The following MYH14 variants were observed in gnomAD, a reference collection of about 807,000 sequenced individuals.
MYH14 encodes the protein myosin heavy chain 14.
MYH14 carries 123 observed loss-of-function variants against 255.5 expected under a neutral mutation model. The observed-to-expected ratio is 0.48, with a 90% CI of 0.42 to 0.56. The LOEUF (loss-of-function observed/expected upper bound fraction) is 0.56. MYH14 is among the 20% of genes least tolerant of loss of function. The pLI is 0.00. For synonymous variants in MYH14, 1,095 were observed against 1,161.2 expected (o/e 0.94, Z 1.16); for missense variants, 2,423 against 2,802.3 (o/e 0.86, Z 3.06).
chr19:50,210,345 C>A lies in MYH14; in HGVS notation c.-3-18C>A. On this transcript the variant is annotated intron_variant, in intron 1 of 42. Coordinates refer to ENST00000642316, the MANE Select transcript of MYH14 (RefSeq NM_001145809.2). ...CGGAGCCCCATCTGACCCCCACCCT[C>A]TTTCTTTGCCCCTGCAGACCATGGC... 1 of 1,574,140 alleles carries A rather than the reference C, an allele frequency of 6.4e-7. No homozygotes were observed. The highest frequency in any genetic ancestry group is 2.4e-5 in the East Asian group (1 of 41,930).
rs1327758655 is a variant in MYH14 at position 50,299,514 on chromosome 19, T to C, written c.5470-2147T>C. On this transcript the variant is annotated intron_variant, in intron 39 of 42. Coordinates refer to ENST00000642316, the MANE Select transcript of MYH14 (RefSeq NM_001145809.2). Reference sequence around the variant, plus strand: ...TGATCCTGGGAGGCAGAGGTTGCAGTGAGCTGAGATTGCACCACTGCACTC... The same window carrying C: ...TGATCCTGGGAGGCAGAGGTTGCAGCGAGCTGAGATTGCACCACTGCACTC... 2.3e-5 allele frequency among the ~76,000 whole-genome samples: 3 copies of C among 129,776 alleles called. No individual in the cohort carries two copies. The Admixed American group carries it at 3.0e-4, about 13-fold the overall frequency. 85.1% of individuals were successfully genotyped at this position (129,776 alleles called of 152,430 possible).
chr19:50,264,055 C>CAAA lies in MYH14; in HGVS notation c.2694+654_2694+656dup, dbSNP rs34015428. On this transcript the variant is annotated intron_variant, in intron 22 of 42. Coordinates refer to ENST00000642316, the MANE Select transcript of MYH14 (RefSeq NM_001145809.2). ...TGGGCAATACAGCAAAACTCTGTCT[C>CAAA]AAAAAAAAAAAAAAAAAAAAAGAGC... Among the ~76,000 whole-genome samples the CAAA allele has an allele frequency of 4.8e-4, 16 of 33,376 alleles. 1 individual carries two copies. Among genetic ancestry groups the CAAA allele is most frequent in the Non-Finnish European group, 6.9e-4 (14 of 20,352 alleles). The allele number at this position is 33,376 out of a possible 152,430, so 21.9% of individuals were successfully genotyped here.
Position 50,276,208 on chromosome 19 carries a change from G to T in MYH14, c.3680+5G>T. 1 of 1,533,060 alleles carries T rather than the reference G, an allele frequency of 6.5e-7. No homozygotes were observed. The highest frequency in any genetic ancestry group is 8.8e-7 in the Non-Finnish European group (1 of 1,138,472). The allele number at this position is 1,533,060 out of a possible 1,614,324, so 95.0% of individuals were successfully genotyped here. On this transcript the variant is annotated splice_donor_5th_base_variant and intron_variant, in intron 28 of 42. Coordinates refer to ENST00000642316, the MANE Select transcript of MYH14 (RefSeq NM_001145809.2). This position sits in a 1 kb window ranked among gnomAD's most constrained non-coding sequence, Gnocchi z 4.3. ...CAACGCACAGCAGGAGCTCCGGTGA[G>T]GCCCGGTGGCAGGCCGCTGTCACAG...
intron 10 of MYH14, among the ~76,000 whole-genome samples, chr19:50,238,463 G>A (rs969122693): frequency 6.6e-6 from 1 of 151,592 alleles, no homozygotes; most frequent in Admixed American, 6.6e-5. Context: ...TATTTTTTTT[G>A]AGATGGAGTC....
At chr19:50,227,405 A>T (rs1242784451) in intron 8 of MYH14, among the ~76,000 whole-genome samples, 4 of 151,922 alleles carry the variant, frequency 2.6e-5, no homozygotes, top group South Asian at 2.1e-4. Context: ...GCACAGAGAG[A>T]CTCACTACCA....
intron 39 of MYH14, among the ~76,000 whole-genome samples, chr19:50,301,419 T>C (rs899697329): frequency 7.9e-5 from 12 of 152,174 alleles, no homozygotes; most frequent in Non-Finnish European, 1.6e-4. Context: ...GTGGACTTAT[T>C]AAAGTAAGCA....
rs117598360 is a variant in MYH14, at chr19:50,283,624, G to A, written c.4539+1782G>A. Among the ~76,000 whole-genome samples the A allele has an allele frequency of 5.7e-4, 87 of 152,058 alleles. 1 individual carries two copies. The East Asian group carries it at 0.015, about 26-fold the overall frequency. ...TAAAACCTTAGTCTTTCTCAAAGGT[G>A]GTTTTAATTAACATTTCCCTAATGA... is the stretch of plus-strand genomic sequence containing the variant. On this transcript the variant is annotated intron_variant, in intron 33 of 42. Transcript: ENST00000642316.
chr19:50,302,470 T>C (rs2036522227), intron 40 of MYH14, among the ~76,000 whole-genome samples: 1 of 149,408 alleles, frequency 6.7e-6, no homozygotes, highest in Admixed American at 6.7e-5. Flanking sequence ...GTAGTCCCAG[T>C]TACTGGGGAG....
At chr19:50,258,091 A>G (rs567125331) in intron 18 of MYH14, among the ~76,000 whole-genome samples, 2 of 152,184 alleles carry the variant, frequency 1.3e-5, no homozygotes, top group East Asian at 2.0e-4. Context: ...TGGGCCCTAC[A>G]GAGAAGGGTC....
Position 50,261,668 on chromosome 19 carries a change from T to C in MYH14, c.2585+33T>C, listed in dbSNP as rs2034884542. On this transcript the variant is annotated intron_variant, in intron 21 of 42. Coordinates refer to ENST00000642316, the MANE Select transcript of MYH14 (RefSeq NM_001145809.2). ...GCCACGCTGTCTCCCGGGGTCCTGTTGGCCGAGACTGGGTCAGGGAGGGGT... is the reference window on the plus strand; with the variant it reads ...GCCACGCTGTCTCCCGGGGTCCTGTCGGCCGAGACTGGGTCAGGGAGGGGT... The C allele has an allele frequency of 7.1e-6, 11 of 1,545,982 alleles. No homozygotes were observed. In the South Asian group the frequency reaches 8.5e-5, roughly 12 times the overall value.
intron 23 of MYH14, among the ~76,000 whole-genome samples, chr19:50,267,623 A>AAAAAATAATAATAATAATAATAATAAT (rs138463829): frequency 6.7e-5 from 10 of 149,146 alleles, no homozygotes; most frequent in Non-Finnish European, 1.0e-4. Context: ...TCTGTCTCAA[A>AAAAAATAATAATAATAATAATAATAAT]AATAATAATA....
intron 35 of MYH14, among the ~76,000 whole-genome samples, chr19:50,290,098 G>A (rs1232546814): frequency 3.3e-5 from 5 of 151,706 alleles, no homozygotes; most frequent in Non-Finnish European, 5.9e-5. Context: ...CCCAACCAGC[G>A]TTGTGTCCAA....
Position 50,259,229 on chromosome 19 carries a change from TC to T in MYH14, c.2322del (p.Asn775ThrfsTer15). 1 of 1,589,052 alleles carries T rather than the reference TC, an allele frequency of 6.3e-7. No individual in the cohort carries two copies. The highest frequency in any genetic ancestry group is 8.6e-7 in the Non-Finnish European group (1 of 1,167,178). ...LEGIRICRQG[F>X]PNRILFQEFR... ...GGCATCCGCATCTGTCGCCAGGGCTTCCCCAACCGCATCCTCTTCCAGGAGT... is the reference window on the plus strand; with the variant it reads ...GGCATCCGCATCTGTCGCCAGGGCTTCCCAACCGCATCCTCTTCCAGGAGT... On this transcript the variant is annotated frameshift_variant, in exon 19 of 43. Transcript: ENST00000642316. LOFTEE classifies it high-confidence loss of function.
intron 12 of MYH14, 96 bp from the exon 13 acceptor site, chr19:50,248,891 G>C (rs2034239675): frequency 2.9e-6 from 4 of 1,358,810 alleles, no homozygotes; most frequent in Non-Finnish European, 4.1e-6. Context: ...GCGACCTTAA[G>C]GGGGACGAGC....
intron 40 of MYH14, among the ~76,000 whole-genome samples, chr19:50,304,711 C>G (rs549708857): frequency 2.6e-5 from 4 of 152,240 alleles, no homozygotes; most frequent in Non-Finnish European, 4.4e-5. Flanking sequence ...GGTGGGATTC[C>G]CCAAGGTGAA....
intron 10 of MYH14, among the ~76,000 whole-genome samples, chr19:50,242,438 C>G (rs694354): frequency 0.18 from 27,238 of 152,050 alleles, 2,801 homozygotes; most frequent in East Asian, 0.26. Flanking sequence ...GCAGGCAAGA[C>G]AGAATGAGAG....
Position 50,225,704 on chromosome 19 carries a change from GC to G in MYH14, c.810+28del, listed in dbSNP as rs773372729. 32 of 1,573,136 alleles carry G rather than the reference GC, an allele frequency of 2.0e-5. No homozygotes were observed. The South Asian group carries it at 3.2e-4, about 16-fold the overall frequency. On this transcript the variant is annotated intron_variant, in intron 7 of 42. Transcript: ENST00000642316. ...TGAGTGCCAGGGGTGGGCAGTGCTG[GC>G]TGTGTCAGGGATACAGGAGCTGGGA...
chr19:50,310,044 G>C lies in MYH14; in HGVS notation c.*254G>C. ...CTTGCTTGTTGGGGGACTGGGTACA[G>C]TTGGCAAGCTGTGTTTCCATCAGCT... is the stretch of plus-strand genomic sequence containing the variant. On this transcript the variant is annotated 3_prime_UTR_variant, in exon 43 of 43. Transcript: ENST00000642316. 1.7e-6 allele frequency: 1 copy of C among 591,218 alleles called. No homozygotes were observed. 36.6% of individuals were successfully genotyped at this position (591,218 alleles called of 1,614,324 possible).
chr19:50,309,955 C>T lies in MYH14; in HGVS notation c.*165C>T. The T allele has an allele frequency of 1.3e-6, 1 of 744,110 alleles. No individual in the cohort carries two copies. The allele number at this position is 744,110 out of a possible 1,614,324, so 46.1% of individuals were successfully genotyped here. On this transcript the variant is annotated 3_prime_UTR_variant, in exon 43 of 43. Transcript: ENST00000642316. ...CCCACCTGGGTCCCCTGCAACCTCCCATCAAAGGATGACCCCTAAACACAG... is the reference window on the plus strand; with the variant it reads ...CCCACCTGGGTCCCCTGCAACCTCCTATCAAAGGATGACCCCTAAACACAG...
Sources: gnomAD v4.1 joint callset for allele counts (sites outside exome capture counted in the v4.1 genomes callset) on GRCh38, gnomAD v4.1.1 for gene constraint, Gnocchi (gnomAD v3.1) non-coding constraint, MANE v1.5 for transcripts, NCBI Gene and HGNC (gene_info 2026-07-23, HGNC 2026-07-21) for gene names.